DCC: variants seen among roughly 807,000 people sequenced by gnomAD.
DCC encodes DCC netrin 1 receptor, also known as netrin receptor DCC.
DCC carries 58 observed loss-of-function variants against 172.5 expected under a neutral mutation model. That is an observed-to-expected ratio of 0.34 (90% CI 0.27 to 0.42). DCC has a LOEUF of 0.42. DCC is among the 10% of genes least tolerant of loss of function. The probability of loss-of-function intolerance (pLI) is 1.00; values close to 1 mark genes in which losing one functional copy is unlikely to be tolerated. For synonymous variants in DCC, 709 were observed against 644.5 expected, an observed-to-expected ratio of 1.10 and a Z score of -1.52; for missense variants, 1,740 against 1,791.0, an observed-to-expected ratio of 0.97 and a Z score of 0.51.
At chr18:53,176,747 C>T (rs896676843) in intron 8 of DCC, among the ~76,000 whole-genome samples, 24 of 151,380 alleles carry the variant, frequency 1.6e-4, no homozygotes, top group African/African-American at 5.9e-4. Flanking sequence ...TAAACTAGTT[C>T]AACCATTGTG....
rs148400160 is a variant in DCC, at chr18:52,392,545, A to G, written c.91+51667A>G. 1.2e-3 allele frequency among the ~76,000 whole-genome samples: 180 copies of G among 152,264 alleles called. No homozygotes were observed. In the Middle Eastern group the frequency reaches 0.014, roughly 12 times the overall value. ...TACAATGCAAGTTGATGGAAGAAGAAAAACTTAGTTCTAATGGGCAGTGCA... is the reference window on the plus strand; with the variant it reads ...TACAATGCAAGTTGATGGAAGAAGAGAAACTTAGTTCTAATGGGCAGTGCA... On this transcript the variant is annotated intron_variant, in intron 1 of 28. Coordinates refer to ENST00000442544, the MANE Select transcript of DCC (RefSeq NM_005215.4).
intron 5 of DCC, among the ~76,000 whole-genome samples, chr18:53,051,412 C>T (rs1337831556): frequency 6.6e-6 from 1 of 152,008 alleles, no homozygotes; most frequent in Non-Finnish European, 1.5e-5. Flanking sequence ...TGATGGAATT[C>T]TTTTCAGTAA....
At chr18:52,542,825 G>A (rs145273129) in intron 1 of DCC, among the ~76,000 whole-genome samples, 2,559 of 152,062 alleles carry the variant, frequency 0.017, 41 homozygotes, top group Non-Finnish European at 0.024. Context: ...GGTGACAAGG[G>A]TGAAACTCCA....
At chr18:53,033,337 G>A (rs922544120) in intron 5 of DCC, among the ~76,000 whole-genome samples, 4 of 152,068 alleles carry the variant, frequency 2.6e-5, no homozygotes, top group East Asian at 1.9e-4. Flanking sequence ...GAGACTTAAC[G>A]GTGTTTGGTG....
chr18:53,014,438 C>T (rs988091849), intron 5 of DCC, among the ~76,000 whole-genome samples: 3 of 113,794 alleles, frequency 2.6e-5, no homozygotes, highest in South Asian at 4.2e-4. Flanking sequence ...CCCCCTCCCC[C>T]CTCCCCCCAC....
intron 2 of DCC, among the ~76,000 whole-genome samples, chr18:52,848,412 A>G (rs892883995): frequency 6.6e-6 from 1 of 151,942 alleles, no homozygotes; most frequent in Non-Finnish European, 1.5e-5. Flanking sequence ...TTTGATTTTT[A>G]CTTCTCATCA....
At chr18:52,448,898 T>G (rs1281070365) in intron 1 of DCC, among the ~76,000 whole-genome samples, 3 of 152,232 alleles carry the variant, frequency 2.0e-5, no homozygotes, top group Non-Finnish European at 4.4e-5. Context: ...GAAATTAACA[T>G]TTGCTAGTTT....
Position 53,395,935 on chromosome 18 carries a change from G to A in DCC, c.2689-1373G>A, listed in dbSNP as rs533010129. Among the ~76,000 whole-genome samples, 54 of 152,240 alleles carry A rather than the reference G, an allele frequency of 3.5e-4. 1 individual carries two copies. The highest frequency in any genetic ancestry group is 6.0e-4 in the African/African-American group (25 of 41,540). On this transcript the variant is annotated intron_variant, in intron 17 of 28. Coordinates refer to ENST00000442544, the MANE Select transcript of DCC (RefSeq NM_005215.4). ...TGGGATTACAGGCGTGAGCCACAGC[G>A]CCAACCTACAATTATTTTTAAGAAG... is the stretch of plus-strand genomic sequence containing the variant.
intron 1 of DCC, among the ~76,000 whole-genome samples, chr18:52,615,930 T>C (rs2034372651): frequency 6.6e-6 from 1 of 152,192 alleles, no homozygotes; most frequent in Admixed American, 6.5e-5. Flanking sequence ...TATATGCTTA[T>C]AATACAGAAT....
chr18:53,334,541 T>G (rs1305587243), intron 14 of DCC, among the ~76,000 whole-genome samples: 1 of 152,172 alleles, frequency 6.6e-6, no homozygotes, highest in Non-Finnish European at 1.5e-5. Context: ...TCTTTTCATC[T>G]TGCAAAAGTG....
At chr18:52,367,277 G>A (rs1291575463) in intron 1 of DCC, among the ~76,000 whole-genome samples, 1 of 152,276 alleles carries the variant, frequency 6.6e-6, no homozygotes, top group African/African-American at 2.4e-5. Flanking sequence ...GTTCCCGCTC[G>A]CGCCTCTCCC....
At chr18:53,126,553 A>C (rs191199947) in intron 7 of DCC, among the ~76,000 whole-genome samples, 1 of 152,260 alleles carries the variant, frequency 6.6e-6, no homozygotes, top group East Asian at 1.9e-4. Flanking sequence ...AAGTGGAGCT[A>C]TTTTGGAATA....
At chr18:52,633,807 T>C (rs1354076013) in intron 1 of DCC, among the ~76,000 whole-genome samples, 1 of 152,108 alleles carries the variant, frequency 6.6e-6, no homozygotes, top group African/African-American at 2.4e-5. Context: ...GGTATAAGCA[T>C]AAAACAATAA....
intron 7 of DCC, among the ~76,000 whole-genome samples, chr18:53,128,890 T>C (rs916159296): frequency 3.1e-4 from 41 of 133,844 alleles, no homozygotes; most frequent in African/African-American, 9.9e-4. Context: ...TATATATATA[T>C]ATATATATAT....
At chr18:53,355,480 G>A (rs574675556) in intron 15 of DCC, among the ~76,000 whole-genome samples, 65 of 152,050 alleles carry the variant, frequency 4.3e-4, no homozygotes, top group Non-Finnish European at 7.6e-4. Flanking sequence ...TCCTTGAAGA[G>A]GTCCTTCACA....
intron 15 of DCC, among the ~76,000 whole-genome samples, chr18:53,345,208 A>C (rs937003517): frequency 4.6e-5 from 7 of 151,870 alleles, no homozygotes; most frequent in Non-Finnish European, 7.4e-5. Flanking sequence ...ATATATAAAA[A>C]CCATTATTAA....
intron 1 of DCC, among the ~76,000 whole-genome samples, chr18:52,373,063 G>T (rs1284620980): frequency 6.6e-6 from 1 of 152,152 alleles, no homozygotes; most frequent in East Asian, 1.9e-4. Flanking sequence ...GGCAGTGAAG[G>T]TTTGTTTTTC....
At chr18:52,493,353 A>G (rs1026037446) in intron 1 of DCC, among the ~76,000 whole-genome samples, 6 of 152,082 alleles carry the variant, frequency 3.9e-5, no homozygotes, top group African/African-American at 1.4e-4. Flanking sequence ...CTTTTTTTCA[A>G]TAAAAAGCAC....
At chr18:52,375,385 A>G (rs1251853975) in intron 1 of DCC, among the ~76,000 whole-genome samples, 2 of 152,218 alleles carry the variant, frequency 1.3e-5, no homozygotes, top group Non-Finnish European at 2.9e-5. Context: ...CTGCTCTATA[A>G]TATTTTATTA....
Sources: allele counts gnomAD v4.1 joint callset (sites outside exome capture counted in the v4.1 genomes callset), GRCh38; gene constraint gnomAD v4.1.1; transcripts MANE v1.5; gene names NCBI Gene and HGNC (gene_info 2026-07-23, HGNC 2026-07-21).